Variants in HS3ST4 observed in about 807,000 individuals in gnomAD.
HS3ST4 encodes the protein heparan sulfate-glucosamine 3-sulfotransferase 4.
In HS3ST4, 17 loss-of-function variants were observed where a neutral mutation model predicts 29.2. The observed-to-expected ratio is 0.58, with a 90% CI of 0.40 to 0.87. The LOEUF is 0.87. HS3ST4 is among the 40% of genes least tolerant of loss of function. The pLI is 0.00. For missense variants in HS3ST4, 627 were observed against 634.5 expected, an observed-to-expected ratio of 0.99 and a Z score of 0.13; for synonymous variants, 314 against 285.7, an observed-to-expected ratio of 1.10 and a Z score of -1.00.
At chr16:26,032,988 G>A (rs893133252) in intron 1 of HS3ST4, among the ~76,000 whole-genome samples, 4 of 152,076 alleles carry the variant, frequency 2.6e-5, no homozygotes, top group Non-Finnish European at 5.9e-5. Flanking sequence ...GGAAAAAGTG[G>A]CCCTAGCTCA....
At chr16:25,855,033 G>T (rs896596310) in intron 1 of HS3ST4, among the ~76,000 whole-genome samples, 1 of 152,144 alleles carries the variant, frequency 6.6e-6, no homozygotes, top group African/African-American at 2.4e-5. Context: ...ATACATGTAA[G>T]GTACACATTT....
chr16:26,004,984 G>T (rs1476226468), intron 1 of HS3ST4, among the ~76,000 whole-genome samples: 2 of 151,922 alleles, frequency 1.3e-5, no homozygotes, highest in South Asian at 2.1e-4. Flanking sequence ...TGTACTTGTT[G>T]TTTTTTTAAT....
At chr16:25,873,762 A>T (rs1967796838) in intron 1 of HS3ST4, among the ~76,000 whole-genome samples, 1 of 151,778 alleles carries the variant, frequency 6.6e-6, no homozygotes, top group Non-Finnish European at 1.5e-5. Context: ...CCATCTGTTC[A>T]CCCATTAATC....
chr16:25,751,249 G>A (rs138570381), intron 1 of HS3ST4, among the ~76,000 whole-genome samples: 101 of 152,270 alleles, frequency 6.6e-4, no homozygotes, highest in Middle Eastern at 3.4e-3. Flanking sequence ...CTGAAAGTGC[G>A]TGTGTGCGGA....
At chr16:26,110,978 T>C (rs570432777) in intron 1 of HS3ST4, among the ~76,000 whole-genome samples, 2 of 152,306 alleles carry the variant, frequency 1.3e-5, no homozygotes, top group African/African-American at 2.4e-5. Context: ...TTCAGTCTGC[T>C]TAAATGCTTG....
At chr16:25,862,374 G>C (rs920401047) in intron 1 of HS3ST4, among the ~76,000 whole-genome samples, 1 of 152,032 alleles carries the variant, frequency 6.6e-6, no homozygotes, top group African/African-American at 2.4e-5. Context: ...TGTAGTTTTA[G>C]TAGAAACGGG....
At chr16:25,717,688 TGGAGAGGAAAGACATGCAAGGACTTGTA>T (rs1463566204) in intron 1 of HS3ST4, among the ~76,000 whole-genome samples, 1 of 152,030 alleles carries the variant, frequency 6.6e-6, no homozygotes, top group Non-Finnish European at 1.5e-5. Flanking sequence ...AGGATGAAGC[TGGAGAGGAAAGACATGCAAGGACTTGTA>T]GGCCACGTTA....
At chr16:26,115,191 A>G in intron 1 of HS3ST4, among the ~76,000 whole-genome samples, 1 of 143,526 alleles carries the variant, frequency 7.0e-6, no homozygotes, top group Non-Finnish European at 1.6e-5. Flanking sequence ...ACTATTATGT[A>G]TTCTATATAA....
chr16:25,819,344 A>G (rs2141632457), intron 1 of HS3ST4, among the ~76,000 whole-genome samples: 1 of 152,170 alleles, frequency 6.6e-6, no homozygotes, highest in East Asian at 1.9e-4. Context: ...TCAGTCCTCA[A>G]AGGGTCATGA....
intron 1 of HS3ST4, among the ~76,000 whole-genome samples, chr16:25,764,523 C>A (rs1455645655): frequency 6.6e-6 from 1 of 152,106 alleles, no homozygotes; most frequent in Admixed American, 6.5e-5. Flanking sequence ...GTTTTTTCCC[C>A]AAAAGGCAAT....
chr16:26,134,535 G>A (rs1898255598), intron 1 of HS3ST4, among the ~76,000 whole-genome samples: 2 of 151,602 alleles, frequency 1.3e-5, no homozygotes, highest in African/African-American at 4.9e-5. Context: ...GCTAATTTTT[G>A]TATTTTAGTA....
At chr16:26,043,397 T>C (rs1385914272) in intron 1 of HS3ST4, among the ~76,000 whole-genome samples, 2 of 152,226 alleles carry the variant, frequency 1.3e-5, no homozygotes, top group African/African-American at 2.4e-5. Flanking sequence ...AGATGGTGTT[T>C]AATACTGGAA....
intron 1 of HS3ST4, among the ~76,000 whole-genome samples, chr16:26,058,693 G>A (rs1898440471): frequency 6.6e-6 from 1 of 152,180 alleles, no homozygotes; most frequent in Non-Finnish European, 1.5e-5. Flanking sequence ...TGGTTCTGTT[G>A]TATCCTTTGC....
chr16:25,869,294 T>C (rs1414111548), intron 1 of HS3ST4, among the ~76,000 whole-genome samples: 2 of 151,832 alleles, frequency 1.3e-5, no homozygotes, highest in African/African-American at 4.8e-5. Context: ...TTAAATAATA[T>C]CACTTTCTCC....
chr16:26,050,054 C>T (rs1462323296), intron 1 of HS3ST4, among the ~76,000 whole-genome samples: 2 of 152,126 alleles, frequency 1.3e-5, no homozygotes, highest in African/African-American at 4.8e-5. Context: ...ATTGATTAAA[C>T]CATTGTCCAT....
chr16:25,905,971 C>A (rs922651540), intron 1 of HS3ST4, among the ~76,000 whole-genome samples: 1 of 152,180 alleles, frequency 6.6e-6, no homozygotes, highest in African/African-American at 2.4e-5. Flanking sequence ...CCTGGAAGTG[C>A]TGAGTCAACC....
intron 1 of HS3ST4, among the ~76,000 whole-genome samples, chr16:25,812,082 T>C (rs113007342): frequency 8.5e-5 from 13 of 152,306 alleles, no homozygotes; most frequent in African/African-American, 3.1e-4. Flanking sequence ...GGCATTGAGG[T>C]TGATCCCATC....
chr16:25,779,735 C>T (rs778111226), intron 1 of HS3ST4, among the ~76,000 whole-genome samples: 13 of 152,126 alleles, frequency 8.5e-5, no homozygotes, highest in South Asian at 2.1e-4. Flanking sequence ...TTTTTTCCAC[C>T]AAGCTCACTT....
chr16:25,955,278 GT>G (rs1428606048), intron 1 of HS3ST4, among the ~76,000 whole-genome samples: 2 of 152,170 alleles, frequency 1.3e-5, no homozygotes, highest in Non-Finnish European at 2.9e-5. Flanking sequence ...GCTGTAGAGG[GT>G]TATGGCACTA....
Sources: allele counts gnomAD v4.1 joint callset (sites outside exome capture counted in the v4.1 genomes callset), GRCh38; gene constraint gnomAD v4.1.1; transcripts MANE v1.5; gene names NCBI Gene and HGNC (gene_info 2026-07-23, HGNC 2026-07-21).